BRINP3: variants seen among roughly 807,000 people sequenced by gnomAD.
The protein encoded by BRINP3 is BMP/retinoic acid-inducible neural-specific protein 3.
BRINP3 carries 19 observed loss-of-function variants against 71.0 expected under a neutral mutation model. The ratio of observed to expected loss-of-function variants is 0.27; its 90% CI spans 0.19 to 0.39. The LOEUF (loss-of-function observed/expected upper bound fraction) is 0.39. Among genes scored for constraint, BRINP3 ranks in the 10% least tolerant of loss-of-function variants. The probability of loss-of-function intolerance (pLI) is 1.00; values close to 1 mark genes in which losing one functional copy is unlikely to be tolerated. For synonymous variants in BRINP3, 380 were observed against 337.7 expected (o/e 1.13, Z -1.37); for missense variants, 959 against 940.8 (o/e 1.02, Z -0.25).
chr1:190,225,207 A>T (rs560017940), intron 6 of BRINP3, among the ~76,000 whole-genome samples: 1 of 152,140 alleles, frequency 6.6e-6, no homozygotes, highest in African/African-American at 2.4e-5. Flanking sequence ...CCAATAACCA[A>T]ATACGGATTC....
At chr1:190,122,638 G>A (rs1389539890) in intron 7 of BRINP3, among the ~76,000 whole-genome samples, 3 of 151,776 alleles carry the variant, frequency 2.0e-5, no homozygotes, top group Non-Finnish European at 4.4e-5. Flanking sequence ...TAAATGACCA[G>A]TTAATGGGTG....
intron 1 of BRINP3, among the ~76,000 whole-genome samples, chr1:190,464,371 T>G (rs777585024): frequency 2.0e-5 from 3 of 152,002 alleles, no homozygotes; most frequent in Non-Finnish European, 4.4e-5. Context: ...ATTATTAAAG[T>G]AAGTAGAGAC....
intron 3 of BRINP3, among the ~76,000 whole-genome samples, chr1:190,268,359 A>G (rs1272979897): frequency 6.6e-6 from 1 of 152,072 alleles, no homozygotes; most frequent in African/African-American, 2.4e-5. Context: ...TCAGCCTCCC[A>G]AAGTGCTGGG....
intron 4 of BRINP3, among the ~76,000 whole-genome samples, chr1:190,261,207 A>C (rs1661156205): frequency 6.6e-6 from 1 of 152,012 alleles, no homozygotes; most frequent in Non-Finnish European, 1.5e-5. Context: ...ATTAACGTTT[A>C]TTAGACTATT....
chr1:190,414,864 G>T (rs1274858414), intron 2 of BRINP3, among the ~76,000 whole-genome samples: 4 of 152,160 alleles, frequency 2.6e-5, no homozygotes, highest in African/African-American at 9.7e-5. Context: ...AAGAGGAGCT[G>T]CTGTCATGAC....
intron 2 of BRINP3, among the ~76,000 whole-genome samples, chr1:190,415,635 G>A (rs1276049011): frequency 6.6e-6 from 1 of 152,122 alleles, no homozygotes; most frequent in Non-Finnish European, 1.5e-5. Context: ...TGGGCACAGT[G>A]GCTCCTGTCT....
At chr1:190,294,869 A>G (rs1040928373) in intron 2 of BRINP3, among the ~76,000 whole-genome samples, 1 of 151,846 alleles carries the variant, frequency 6.6e-6, no homozygotes, top group African/African-American at 2.4e-5. Context: ...TAAGTCTTGC[A>G]AACTGCTAGC....
chr1:190,458,103 A>G (rs939204861), intron 1 of BRINP3, among the ~76,000 whole-genome samples: 1 of 152,042 alleles, frequency 6.6e-6, no homozygotes, highest in Admixed American at 6.6e-5. Flanking sequence ...CCAGGTAATT[A>G]TGAGGTAATT....
intron 2 of BRINP3, among the ~76,000 whole-genome samples, chr1:190,419,317 A>G (rs1251731335): frequency 6.6e-6 from 1 of 152,116 alleles, no homozygotes; most frequent in Non-Finnish European, 1.5e-5. Context: ...AAATCAGTAA[A>G]TACAGCATGT....
At chr1:190,222,828 GA>G (rs1185671921) in intron 6 of BRINP3, among the ~76,000 whole-genome samples, 1 of 151,542 alleles carries the variant, frequency 6.6e-6, no homozygotes, top group East Asian at 1.9e-4. Context: ...AATCAGAAAT[GA>G]AAAAGGAGAC....
intron 2 of BRINP3, among the ~76,000 whole-genome samples, chr1:190,336,267 T>A (rs1277223246): frequency 2.0e-5 from 3 of 152,080 alleles, no homozygotes; most frequent in Non-Finnish European, 4.4e-5. Flanking sequence ...GGAAGATTAA[T>A]CTATGTTTTA....
At chr1:190,387,544 T>C (rs1223810301) in intron 2 of BRINP3, among the ~76,000 whole-genome samples, 1 of 151,876 alleles carries the variant, frequency 6.6e-6, no homozygotes, top group Non-Finnish European at 1.5e-5. Flanking sequence ...AGGTGAAAGG[T>C]GAGGACAGGT....
At chr1:190,348,459 G>A (rs1010254179) in intron 2 of BRINP3, among the ~76,000 whole-genome samples, 2 of 152,180 alleles carry the variant, frequency 1.3e-5, no homozygotes, top group African/African-American at 2.4e-5. Context: ...TCCTTTACAC[G>A]AAATAAATAA....
rs563054737 is a variant in BRINP3, at chr1:190,369,025, T to C, written c.236+85630A>G. ...AATAGCAGCCCAGCCCTCAGTTTGG[T>C]CTGGGAATACTTCCACAATACTTGG... On this transcript the variant is annotated intron_variant, in intron 2 of 7. Coordinates refer to ENST00000367462, the MANE Select transcript of BRINP3 (RefSeq NM_199051.3). Among the ~76,000 whole-genome samples, 70 of 152,252 alleles carry C rather than the reference T, an allele frequency of 4.6e-4. 1 individual carries two copies. The highest frequency in any genetic ancestry group is 1.6e-3 in the African/African-American group (65 of 41,564).
At chr1:190,216,025 A>G (rs1656385018) in intron 6 of BRINP3, among the ~76,000 whole-genome samples, 1 of 151,760 alleles carries the variant, frequency 6.6e-6, no homozygotes, top group East Asian at 1.9e-4. Context: ...TCCAAAAAAA[A>G]AAACAACTGG....
At chr1:190,190,608 T>G (rs1428370676) in intron 6 of BRINP3, among the ~76,000 whole-genome samples, 1 of 152,094 alleles carries the variant, frequency 6.6e-6, no homozygotes, top group African/African-American at 2.4e-5. Flanking sequence ...AACTACATAT[T>G]TCTACTGTAG....
intron 7 of BRINP3, among the ~76,000 whole-genome samples, chr1:190,125,179 G>A (rs938995516): frequency 5.9e-5 from 9 of 151,928 alleles, no homozygotes; most frequent in Middle Eastern, 3.4e-3. Flanking sequence ...TAAAGGTCAC[G>A]CTGTTCTAAA....
At chr1:190,364,110 G>T (rs1240537915) in intron 2 of BRINP3, among the ~76,000 whole-genome samples, 1 of 151,930 alleles carries the variant, frequency 6.6e-6, no homozygotes, top group Non-Finnish European at 1.5e-5. Context: ...TATTTCAAAA[G>T]AAATTTTTAA....
intron 2 of BRINP3, among the ~76,000 whole-genome samples, chr1:190,441,995 T>C (rs1674854656): frequency 6.6e-6 from 1 of 152,114 alleles, no homozygotes; most frequent in Admixed American, 6.5e-5. Flanking sequence ...TTACTTTGAG[T>C]AGATACATTT....
Sources: gnomAD v4.1 joint callset for allele counts (sites outside exome capture counted in the v4.1 genomes callset) on GRCh38, gnomAD v4.1.1 for gene constraint, MANE v1.5 for transcripts, NCBI Gene and HGNC (gene_info 2026-07-23, HGNC 2026-07-21) for gene names.